SPTAN1: variants seen among roughly 807,000 people sequenced by gnomAD.
SPTAN1 encodes the protein spectrin alpha chain, non-erythrocytic 1.
In SPTAN1, 61 loss-of-function variants were observed where a neutral mutation model predicts 331.3. The ratio of observed to expected loss-of-function variants is 0.18; its 90% CI spans 0.15 to 0.23. The LOEUF (loss-of-function observed/expected upper bound fraction) is 0.23, where lower values mean the gene tolerates loss of function less well. SPTAN1 is among the 10% of genes least tolerant of loss of function. SPTAN1 has a pLI of 1.00. For missense variants in SPTAN1, 2,043 were observed against 3,147.9 expected (o/e 0.65, Z 8.40); for synonymous variants, 1,153 against 1,173.9 (o/e 0.98, Z 0.36).
intron 43 of SPTAN1, among the ~76,000 whole-genome samples, chr9:128,618,448 G>A (rs1338666773): frequency 1.3e-5 from 2 of 151,732 alleles, no homozygotes; most frequent in Non-Finnish European, 2.9e-5. Flanking sequence ...TTCCATGGAC[G>A]GCCTGACTGA....
chr9:128,615,519 G>A, intron 40 of SPTAN1, 113 bp from the exon 41 acceptor site: 1 of 1,062,084 alleles, frequency 9.4e-7, no homozygotes, highest in Non-Finnish European at 1.4e-6. Flanking sequence ...CCACATAACA[G>A]ACTTTGAGAA....
intron 46 of SPTAN1, 145 bp from the exon 47 acceptor site, chr9:128,624,958 C>T: frequency 2.6e-6 from 2 of 776,540 alleles, no homozygotes; most frequent in Non-Finnish European, 4.5e-6. Flanking sequence ...AGGGAGGGGC[C>T]TGCTAATGTG....
intron 52 of SPTAN1, among the ~76,000 whole-genome samples, chr9:128,630,989 G>A (rs1000864849): frequency 5.7e-4 from 86 of 151,628 alleles, no homozygotes; most frequent in African/African-American, 2.0e-3. Context: ...GATTACAAGC[G>A]TGAGCCACCA....
chr9:128,623,315 T>G (rs1858191747), intron 45 of SPTAN1, among the ~76,000 whole-genome samples: 1 of 151,826 alleles, frequency 6.6e-6, no homozygotes, highest in Non-Finnish European at 1.5e-5. Context: ...GCTCAAGTGA[T>G]TCTCTCGCCT....
At chr9:128,609,389 G>A (rs1856316484) in intron 36 of SPTAN1, 105 bp downstream of exon 36, 8 of 1,542,406 alleles carry the variant, frequency 5.2e-6, no homozygotes, top group Non-Finnish European at 7.1e-6. Context: ...CCCATGGGAA[G>A]TCAGTGAGAA....
chr9:128,615,768 G>A lies in SPTAN1; in HGVS notation c.5285G>A (p.Arg1762Gln), dbSNP rs150427953. The change falls in exon 41 of 57, where the codon CGA becomes CAA. Residue 1762 changes from arginine (R) to glutamine (Q), a missense_variant. Around this residue, in one of 12 missense-constraint regions of SPTAN1, gnomAD observed 323 missense variants for 581.1 expected, o/e 0.56. Coordinates refer to ENST00000372739, the MANE Select transcript of SPTAN1 (RefSeq NM_001130438.3). ...QKIKSMAASR[R>Q]AKLNESHRLH... is the part of the protein sequence containing the mutation. ...ATCAAGAGCATGGCGGCCTCCCGGCGAGCCAAGCTGAATGAATCCCATCGC... is the reference window on the plus strand; with the variant it reads ...ATCAAGAGCATGGCGGCCTCCCGGCAAGCCAAGCTGAATGAATCCCATCGC... 5 of 1,614,226 alleles carry A rather than the reference G, an allele frequency of 3.1e-6. No homozygotes were observed. Among genetic ancestry groups the A allele is most frequent in the Middle Eastern group, 1.6e-4 (1 of 6,062 alleles).
intron 24 of SPTAN1, among the ~76,000 whole-genome samples, chr9:128,595,356 C>T (rs1854129914): frequency 2.0e-5 from 3 of 152,182 alleles, no homozygotes; most frequent in Admixed American, 2.0e-4. Flanking sequence ...GTGATCTGCC[C>T]ACCTCAGCTT....
intron 23 of SPTAN1, chr9:128,593,760 G>A (rs1458460542): frequency 4.1e-6 from 1 of 243,180 alleles, no homozygotes; most frequent in Non-Finnish European, 8.2e-6. Flanking sequence ...CCCCAGCCTG[G>A]GGGCTCTTCA....
rs1859867243 is a variant in SPTAN1, at chr9:128,632,237, C to T, written c.6873C>T (p.Ser2291=). The T allele has an allele frequency of 3.1e-6, 5 of 1,613,496 alleles. No homozygotes were observed. Among genetic ancestry groups the T allele is most frequent in the African/African-American group, 2.7e-5 (2 of 75,046 alleles). Residue 2291 remains serine, a synonymous_variant, in exon 53 of 57, where the codon AGC becomes AGT. Transcript: ENST00000372739. The stretch of plus-strand genomic sequence containing the variant: ...TGGACAACAAGTACACGGAGCACAG[C>T]ACCGTGGGCCTCGCCCAGCAGTGGG... ...LILDNKYTEH[S]TVGLAQQWDQ...
intron 52 of SPTAN1, chr9:128,630,665 C>T: frequency 2.6e-6 from 1 of 390,934 alleles, no homozygotes; most frequent in South Asian, 2.5e-5. Context: ...AATAGCTGTA[C>T]TACAGATGTG....
At chr9:128,616,023 G>A (rs1428492868) in intron 41 of SPTAN1, among the ~76,000 whole-genome samples, 183 bp downstream of exon 41, 1 of 152,136 alleles carries the variant, frequency 6.6e-6, no homozygotes, top group African/African-American at 2.4e-5. Flanking sequence ...GATAATTGGC[G>A]GTGGTGGTGA....
At position 128,606,819 on chromosome 9, in the gene SPTAN1, C is replaced by T. The variant is rs140227831; in HGVS notation, c.4047-785C>T. Among the ~76,000 whole-genome samples the T allele has an allele frequency of 1.3e-3, 196 of 152,128 alleles. 1 individual carries two copies. In the East Asian group the frequency reaches 0.028, roughly 21 times the overall value. ...CTTCTTTTTATTGAGGTAAAAGCCA[C>T]GTAACATACAATTAACTACTTTAAA... On this transcript the variant is annotated intron_variant, in intron 31 of 56. Coordinates refer to ENST00000372739, the MANE Select transcript of SPTAN1 (RefSeq NM_001130438.3).
chr9:128,615,775 G>A lies in SPTAN1; in HGVS notation c.5292G>A (p.Lys1764=). The A allele has an allele frequency of 6.2e-7, 1 of 1,614,266 alleles. No homozygotes were observed. Among genetic ancestry groups the A allele is most frequent in the South Asian group, 1.1e-5 (1 of 91,092 alleles). The change falls in exon 41 of 57, where the codon AAG becomes AAA. Residue 1764 remains lysine, a synonymous_variant. Transcript: ENST00000372739. ...IKSMAASRRA[K]LNESHRLHQF... is the part of the protein sequence containing the mutation. The stretch of plus-strand genomic sequence containing the variant: ...GCATGGCGGCCTCCCGGCGAGCCAA[G>A]CTGAATGAATCCCATCGCCTGCACC...
At chr9:128,607,140 A>C (rs931251301) in intron 31 of SPTAN1, among the ~76,000 whole-genome samples, 32 of 152,128 alleles carry the variant, frequency 2.1e-4, no homozygotes, top group Non-Finnish European at 4.3e-4. Context: ...TAGGGCTTCA[A>C]GGGTTAATCC....
chr9:128,625,200 T>G lies in SPTAN1; in HGVS notation c.6069+21T>G. The G allele has an allele frequency of 6.2e-7, 1 of 1,612,354 alleles. No homozygotes were observed. Among genetic ancestry groups the G allele is most frequent in the Non-Finnish European group, 8.5e-7 (1 of 1,178,484 alleles). ...AACAGGTCTGCCCTGGCCCCTTCAC[T>G]GGTTGAAATGTATGCAGATAGCATC... On this transcript the variant is annotated intron_variant, in intron 47 of 56. Transcript: ENST00000372739. The surrounding 1 kb of genome is among the most constrained non-coding windows in gnomAD (Gnocchi z 4.1).
At position 128,623,622 on chromosome 9, in the gene SPTAN1, ATTTTTTTTT is replaced by A. The variant is rs777632874; in HGVS notation, c.5833-692_5833-684del. ...AGATGAGTGCCACCAAACCTGGCTA[ATTTTTTTTT>A]TTTTTTTTTTTTTGTATTTTTTAGA... On this transcript the variant is annotated intron_variant, in intron 45 of 56. Transcript: ENST00000372739. Among the ~76,000 whole-genome samples, 19 of 117,108 alleles carry A rather than the reference ATTTTTTTTT, an allele frequency of 1.6e-4. No individual in the cohort carries two copies. In the South Asian group the frequency reaches 4.3e-3, roughly 27 times the overall value. The allele number at this position is 117,108 out of a possible 152,430, so 76.8% of individuals were successfully genotyped here. A position where few individuals can be genotyped will look rare whatever the true frequency, so the allele number is the denominator to read the frequency against.
In SPTAN1 at chr9:128,577,061, C is replaced by G. The variant is rs1851390547; in HGVS notation, c.786-68C>G. 1.2e-6 allele frequency: 2 copies of G among 1,613,678 alleles called. No homozygotes were observed. Among genetic ancestry groups the G allele is most frequent in the Admixed American group, 1.7e-5 (1 of 59,994 alleles). On this transcript the variant is annotated intron_variant, in intron 6 of 56. Transcript: ENST00000372739. The surrounding 1 kb of genome is among the most constrained non-coding windows in gnomAD (Gnocchi z 4.2). The stretch of plus-strand genomic sequence containing the variant: ...CTGTCGAGGCTGACTAGGCCTTGGT[C>G]CCATGGGGTGTTCCTAGTTCTAGGG...
chr9:128,556,640 A>G (rs1170460177), intron 1 of SPTAN1, among the ~76,000 whole-genome samples: 1 of 152,204 alleles, frequency 6.6e-6, no homozygotes, highest in Admixed American at 6.5e-5. Flanking sequence ...GCTTTCTTAA[A>G]GCTAAGTCCC....
chr9:128,632,797 C>T lies in SPTAN1; in HGVS notation c.7161-11C>T. 1 of 1,614,096 alleles carries T rather than the reference C, an allele frequency of 6.2e-7. No homozygotes were observed. Among genetic ancestry groups the T allele is most frequent in the Non-Finnish European group, 8.5e-7 (1 of 1,180,042 alleles). ...CCTCCCTGCTCAGGCTCTTGCTTCCCCCGCTCCTAGAGATGGCCATGTCTC... is the reference window on the plus strand; with the variant it reads ...CCTCCCTGCTCAGGCTCTTGCTTCCTCCGCTCCTAGAGATGGCCATGTCTC... On this transcript the variant is annotated splice_polypyrimidine_tract_variant and intron_variant, in intron 55 of 56. Coordinates refer to ENST00000372739, the MANE Select transcript of SPTAN1 (RefSeq NM_001130438.3).
Sources: gnomAD v4.1 joint callset for allele counts (sites outside exome capture counted in the v4.1 genomes callset) on GRCh38, gnomAD v4.1.1 for gene constraint, gnomAD v4.1.1 regional missense constraint, Gnocchi (gnomAD v3.1) non-coding constraint, MANE v1.5 for transcripts, NCBI Gene and HGNC (gene_info 2026-07-23, HGNC 2026-07-21) for gene names.